Variants in MYEF2 observed in about 807,000 individuals in gnomAD.
MYEF2 encodes the protein myelin gene expression factor 2.
Under a neutral mutation model 75.2 loss-of-function variants are expected in MYEF2, and 37 were observed. That is an observed-to-expected ratio of 0.49 (90% CI 0.38 to 0.65). The LOEUF (loss-of-function observed/expected upper bound fraction) is 0.65, where lower values mean the gene tolerates loss of function less well. Among genes scored for constraint, MYEF2 ranks in the 30% least tolerant of loss-of-function variants. The pLI is 0.00. For synonymous variants in MYEF2, 195 were observed against 241.6 expected (o/e 0.81, Z 1.79); for missense variants, 634 against 771.4 (o/e 0.82, Z 2.11).
chr15:48,162,654 C>T (rs1263787496), intron 5 of MYEF2: 1 of 152,138 alleles, frequency 6.6e-6, no homozygotes, highest in African/African-American at 2.4e-5. Context: ...TCTATTAGCA[C>T]CATTTTCCCA....
chr15:48,143,355 A>G (rs1784765660), intron 16 of MYEF2, among the ~76,000 whole-genome samples: 1 of 152,076 alleles, frequency 6.6e-6, no homozygotes, highest in Admixed American at 6.6e-5. Flanking sequence ...TAATTTTATA[A>G]GCAATAAGTC....
rs531619761 is a variant in MYEF2, at chr15:48,145,095, T to C, written c.1640-2024A>G. Among the ~76,000 whole-genome samples the C allele has an allele frequency of 1.9e-4, 29 of 151,950 alleles. 1 individual carries two copies. In the South Asian group the frequency reaches 6.0e-3, roughly 32 times the overall value. On this transcript the variant is annotated intron_variant, in intron 16 of 16. Transcript: ENST00000324324. ...GACCTCCAAATTCCTGACCTCACAA[T>C]GACCTCAAAAATTTTCTAGTTGACA...
At chr15:48,177,236 T>C (rs1052161453) in intron 1 of MYEF2, among the ~76,000 whole-genome samples, 25 of 152,112 alleles carry the variant, frequency 1.6e-4, no homozygotes, top group Non-Finnish European at 1.5e-5. Context: ...AAGGAGAGCA[T>C]AACATTTCCC....
chr15:48,134,975 A>G lies in MYEF2; in HGVS notation c.*7933T>C. 13 of 1,605,334 alleles carry G rather than the reference A, an allele frequency of 8.1e-6. No homozygotes were observed. The highest frequency in any genetic ancestry group is 1.1e-5 in the Non-Finnish European group (13 of 1,173,096). Reference sequence around the variant, plus strand: ...GTTCTTGGTATAATATATGACAACCAAGTTTACTGGTAAGCTTGAAAATAA... The same window carrying G: ...GTTCTTGGTATAATATATGACAACCGAGTTTACTGGTAAGCTTGAAAATAA... On this transcript the variant is annotated 3_prime_UTR_variant, in exon 17 of 17. Transcript: ENST00000324324.
chr15:48,139,240 C>CTTAT lies in MYEF2; in HGVS notation c.*3667_*3668insATAA. Reference sequence around the variant, plus strand: ...CATATAAGAACAAATTGCATATGTTCACTCAAAGTAGTCTAGCTACACAGC... The same window carrying CTTAT: ...CATATAAGAACAAATTGCATATGTTCTTATACTCAAAGTAGTCTAGCTACACAGC... On this transcript the variant is annotated 3_prime_UTR_variant, in exon 17 of 17. Coordinates refer to ENST00000324324, the MANE Select transcript of MYEF2 (RefSeq NM_016132.5). The CTTAT allele has an allele frequency of 1.5e-6, 2 of 1,363,962 alleles. No homozygotes were observed. Among genetic ancestry groups the CTTAT allele is most frequent in the Non-Finnish European group, 2.1e-6 (2 of 970,146 alleles). The allele number at this position is 1,363,962 out of a possible 1,614,324, so 84.5% of individuals were successfully genotyped here.
chr15:48,149,507 T>C lies in MYEF2; in HGVS notation c.1379-136A>G. 1 of 556,046 alleles carries C rather than the reference T, an allele frequency of 1.8e-6. No homozygotes were observed. The highest frequency in any genetic ancestry group is 3.0e-6 in the Non-Finnish European group (1 of 329,046). 34.4% of individuals were successfully genotyped at this position (556,046 alleles called of 1,614,324 possible). A position where few individuals can be genotyped will look rare whatever the true frequency, so the allele number is the denominator to read the frequency against. On this transcript the variant is annotated intron_variant, in intron 14 of 16. Transcript: ENST00000324324. This position sits in a 1 kb window ranked among gnomAD's most constrained non-coding sequence, Gnocchi z 4.0. The stretch of plus-strand genomic sequence containing the variant: ...GAAAGAAGGGGGAAATTAATTTGTT[T>C]ATATAATTAAATAATATAAAAACAT...
chr15:48,166,056 T>A, intron 4 of MYEF2, 30 bp from the exon 5 acceptor site: 1 of 1,570,564 alleles, frequency 6.4e-7, no homozygotes. Flanking sequence ...ATAGGAAATG[T>A]TTATGTGCTA....
At chr15:48,155,442 C>T (rs2039658089) in intron 9 of MYEF2, among the ~76,000 whole-genome samples, 1 of 151,934 alleles carries the variant, frequency 6.6e-6, no homozygotes, top group Non-Finnish European at 1.5e-5. Context: ...GGCAATTTTA[C>T]CAGACACATA....
At chr15:48,168,302 G>A (rs746027507) in intron 2 of MYEF2, among the ~76,000 whole-genome samples, 8 of 151,340 alleles carry the variant, frequency 5.3e-5, no homozygotes, top group African/African-American at 1.2e-4. Flanking sequence ...TTCTTAACAC[G>A]CTAAATGTAT....
In MYEF2 at chr15:48,137,487, A is replaced by G. The variant is rs2038931107; in HGVS notation, c.*5421T>C. ...AATCTTGGAAGGTTTCTGAGGAGAG[A>G]AATTATTAGAACTGTTATCTTAGTA... is the stretch of plus-strand genomic sequence containing the variant. On this transcript the variant is annotated 3_prime_UTR_variant, in exon 17 of 17. Transcript: ENST00000324324. 6.6e-6 allele frequency: 1 copy of G among 152,218 alleles called. No individual in the cohort carries two copies. The highest frequency in any genetic ancestry group is 1.5e-5 in the Non-Finnish European group (1 of 68,088). 9.4% of individuals were successfully genotyped at this position (152,218 alleles called of 1,614,324 possible).
Position 48,140,764 on chromosome 15 carries a change from C to T in MYEF2, c.*2144G>A, listed in dbSNP as rs866484313. 5 of 192,754 alleles carry T rather than the reference C, an allele frequency of 2.6e-5. No homozygotes were observed. The highest frequency in any genetic ancestry group is 1.0e-4 in the South Asian group (1 of 9,886). The allele number at this position is 192,754 out of a possible 1,614,324, so 11.9% of individuals were successfully genotyped here. On this transcript the variant is annotated 3_prime_UTR_variant, in exon 17 of 17. Transcript: ENST00000324324. ...ACTAATATTTTTAAGAAAGAAAAAG[C>T]GGAATGATCAGTCTCATTATCAAAT... is the stretch of plus-strand genomic sequence containing the variant.
Position 48,135,243 on chromosome 15 carries a change from T to C in MYEF2, c.*7665A>G. On this transcript the variant is annotated 3_prime_UTR_variant, in exon 17 of 17. Coordinates refer to ENST00000324324, the MANE Select transcript of MYEF2 (RefSeq NM_016132.5). ...GACCACCACTTTTCCTTCTCCCCAC[T>C]GGCTGCCTATTCAGAAAGTTTCCCA... 3.3e-6 allele frequency: 1 copy of C among 300,132 alleles called. No homozygotes were observed. The highest frequency in any genetic ancestry group is 6.3e-6 in the Non-Finnish European group (1 of 157,950). 18.6% of individuals were successfully genotyped at this position (300,132 alleles called of 1,614,324 possible). A position where few individuals can be genotyped will look rare whatever the true frequency, so the allele number is the denominator to read the frequency against.
chr15:48,178,184 C>T lies in MYEF2; in HGVS notation c.54G>A (p.Pro18=), dbSNP rs765197536. The change falls in exon 1 of 17, where the codon CCG becomes CCA. Residue 18 remains proline, a synonymous_variant. Coordinates refer to ENST00000324324, the MANE Select transcript of MYEF2 (RefSeq NM_016132.5). ...EVPGATGGDS[P]HLQPAEPPGE... ...CCGGCGGCTCTGCGGGCTGCAGGTG[C>T]GGGCTGTCGCCACCAGTGGCCCCGG... 42 of 1,531,102 alleles carry T rather than the reference C, an allele frequency of 2.7e-5. No individual in the cohort carries two copies. In the South Asian group the frequency reaches 5.0e-4, roughly 18 times the overall value. 94.8% of individuals were successfully genotyped at this position (1,531,102 alleles called of 1,614,324 possible).
At chr15:48,157,116 A>T (rs1237681919) in intron 9 of MYEF2, 1 of 152,150 alleles carries the variant, frequency 6.6e-6, no homozygotes, top group Non-Finnish European at 1.5e-5. Flanking sequence ...ACCAGAGAAG[A>T]TGCAGTGAAA....
chr15:48,172,407 A>C (rs1389230091), intron 1 of MYEF2, among the ~76,000 whole-genome samples: 3 of 151,816 alleles, frequency 2.0e-5, no homozygotes, highest in Non-Finnish European at 4.4e-5. Flanking sequence ...TATCAAAAAA[A>C]AAAAAAAGAA....
chr15:48,171,328 A>G (rs1204654667), intron 1 of MYEF2, among the ~76,000 whole-genome samples: 5 of 152,190 alleles, frequency 3.3e-5, no homozygotes, highest in Non-Finnish European at 7.3e-5. Context: ...GATTAAACCA[A>G]TTGTGAAAAT....
chr15:48,170,407 T>C (rs2040283108), intron 1 of MYEF2, among the ~76,000 whole-genome samples: 1 of 152,212 alleles, frequency 6.6e-6, no homozygotes, highest in Non-Finnish European at 1.5e-5. Flanking sequence ...ATTACAGGTG[T>C]GAGCCACCGT....
rs545975871 is a variant in MYEF2 at position 48,165,412 on chromosome 15, C to T, written c.525+521G>A. Among the ~76,000 whole-genome samples the T allele has an allele frequency of 3.9e-5, 6 of 152,116 alleles. 1 individual carries two copies. In the South Asian group the frequency reaches 1.2e-3, roughly 32 times the overall value. The stretch of plus-strand genomic sequence containing the variant: ...CTGCTACAATTTTGTACAAAGAAGA[C>T]ATTTCCATTTTAGGGGATTCCAACT... On this transcript the variant is annotated intron_variant, in intron 5 of 16. Coordinates refer to ENST00000324324, the MANE Select transcript of MYEF2 (RefSeq NM_016132.5).
intron 14 of MYEF2, 83 bp downstream of exon 14, chr15:48,151,017 A>T (rs936991204): frequency 1.2e-6 from 1 of 862,020 alleles, no homozygotes; most frequent in African/African-American, 1.7e-5. Context: ...ACAAAGTATT[A>T]CTATACTACG....
Sources: gnomAD v4.1 joint callset for allele counts (sites outside exome capture counted in the v4.1 genomes callset) on GRCh38, gnomAD v4.1.1 for gene constraint, Gnocchi (gnomAD v3.1) non-coding constraint, MANE v1.5 for transcripts, NCBI Gene and HGNC (gene_info 2026-07-23, HGNC 2026-07-21) for gene names.